NDUFAF1: variants seen among roughly 807,000 people sequenced by gnomAD.
The protein encoded by NDUFAF1 is complex I intermediate-associated protein 30, mitochondrial.
NDUFAF1 carries 18 observed loss-of-function variants against 28.7 expected under a neutral mutation model. The observed-to-expected ratio is 0.63, with a 90% CI of 0.43 to 0.93. The LOEUF (loss-of-function observed/expected upper bound fraction) is 0.93, where lower values mean the gene tolerates loss of function less well. Ranked by LOEUF, NDUFAF1 falls within the 40% of genes least tolerant of loss-of-function variation. NDUFAF1 has a pLI of 0.00. For missense variants in NDUFAF1, 404 were observed against 398.3 expected (o/e 1.01, Z -0.12); for synonymous variants, 113 against 139.7 (o/e 0.81, Z 1.35).
chr15:41,388,413 T>C (rs1004543092), intron 4 of NDUFAF1, 35 bp downstream of exon 4: 7 of 1,484,960 alleles, frequency 4.7e-6, no homozygotes, highest in Non-Finnish European at 6.6e-6. Context: ...TTAAAAATGA[T>C]ACAGTTCTGA....
chr15:41,394,045 T>TTTTTTAG (rs2050349798), intron 3 of NDUFAF1: 1 of 143,492 alleles, frequency 7.0e-6, no homozygotes, highest in Non-Finnish European at 1.4e-5. Flanking sequence ...TTTTTTTTTT[T>TTTTTTAG]GAGACAAAGT....
At chr15:41,388,398 A>AT (rs1329477398) in intron 4 of NDUFAF1, 50 bp downstream of exon 4, 1 of 1,401,944 alleles carries the variant, frequency 7.1e-7, no homozygotes, top group African/African-American at 1.4e-5. Flanking sequence ...CAGAGTTCCG[A>AT]TTCATTAAAA....
intron 2 of NDUFAF1, among the ~76,000 whole-genome samples, chr15:41,395,354 C>A (rs1219237254): frequency 1.4e-5 from 2 of 145,728 alleles, no homozygotes; most frequent in African/African-American, 2.7e-5. Context: ...ATGACTTTTT[C>A]TTTTCTTTTC....
At chr15:41,397,170 C>T in intron 1 of NDUFAF1, 30 bp from the exon 2 acceptor site, 1 of 854,130 alleles carries the variant, frequency 1.2e-6, no homozygotes, top group Non-Finnish European at 1.9e-6. Flanking sequence ...GAAGAATTAT[C>T]AGCATAGCAA....
upstream of NDUFAF1, among the ~76,000 whole-genome samples, chr15:41,402,972 C>T (rs971605978): frequency 1.3e-5 from 2 of 151,904 alleles, no homozygotes; most frequent in African/African-American, 4.8e-5. Flanking sequence ...CCTCGTGATC[C>T]ACCCGCCTCG....
intron 1 of NDUFAF1, among the ~76,000 whole-genome samples, chr15:41,401,277 T>TTG (rs1276305241): frequency 1.4e-5 from 2 of 142,198 alleles, no homozygotes; most frequent in Non-Finnish European, 3.1e-5. Context: ...CTTTTTTTTT[T>TTG]TTTTTTTTTT....
rs200472799 is a variant in NDUFAF1, at chr15:41,396,845, G to C, written c.215C>G (p.Thr72Ser). 2,672 of 1,614,116 alleles carry C rather than the reference G, an allele frequency of 1.7e-3. 31 individuals carry two copies. The South Asian group carries it at 0.018, about 11-fold the overall frequency. The stretch of plus-strand genomic sequence containing the variant: ...AACATCAGGCTTCTCCTCAGAAGAA[G>C]TTATATCCAAAGCAACTTCTTTCTG... ...DHQKEVALDI[T>S]SSEEKPDVSF... The change falls in exon 2 of 5, where the codon ACT becomes AGT. Residue 72 changes from threonine to serine, a missense_variant. Physicochemically the swap from Thr to Ser is moderately conservative, Grantham distance 58. Coordinates refer to ENST00000260361, the MANE Select transcript of NDUFAF1 (RefSeq NM_016013.4).
At chr15:41,387,929 G>A (rs1432659888) in intron 4 of NDUFAF1, among the ~76,000 whole-genome samples, 2 of 152,104 alleles carry the variant, frequency 1.3e-5, no homozygotes, top group Non-Finnish European at 2.9e-5. Flanking sequence ...GCCCAATATG[G>A]TAAAACCTCG....
chr15:41,389,385 T>C (rs1362716506), intron 3 of NDUFAF1, among the ~76,000 whole-genome samples: 1 of 151,790 alleles, frequency 6.6e-6, no homozygotes, highest in Non-Finnish European at 1.5e-5. Flanking sequence ...TAAATAATTA[T>C]ACAGAAGCTC....
chr15:41,401,260 G>A (rs574762286), intron 1 of NDUFAF1, among the ~76,000 whole-genome samples: 81 of 139,190 alleles, frequency 5.8e-4, no homozygotes, highest in African/African-American at 1.9e-3. Context: ...CAGCCACGGC[G>A]CCCAACCTTT....
intron 1 of NDUFAF1, among the ~76,000 whole-genome samples, chr15:41,401,017 G>C (rs2050455499): frequency 6.7e-6 from 1 of 148,540 alleles, no homozygotes; most frequent in East Asian, 2.0e-4. Context: ...CACCAGGCTA[G>C]AGATCTCCGC....
chr15:41,398,849 G>A (rs1025636124), intron 1 of NDUFAF1, among the ~76,000 whole-genome samples: 2 of 151,948 alleles, frequency 1.3e-5, no homozygotes, highest in African/African-American at 4.8e-5. Flanking sequence ...CAGCTACTGG[G>A]GAGGCTGAGG....
chr15:41,391,470 C>T (rs2050315104), intron 3 of NDUFAF1, among the ~76,000 whole-genome samples: 2 of 151,768 alleles, frequency 1.3e-5, no homozygotes, highest in East Asian at 1.9e-4. Context: ...CCTAAAAATA[C>T]AAAAATTAGC....
At chr15:41,396,274 A>C (rs1025152495) in intron 2 of NDUFAF1, among the ~76,000 whole-genome samples, 1 of 152,036 alleles carries the variant, frequency 6.6e-6, no homozygotes, top group Admixed American at 6.6e-5. Context: ...GCGCAGAAAC[A>C]AGTTAACTCC....
At chr15:41,391,100 T>C (rs1212820208) in intron 3 of NDUFAF1, among the ~76,000 whole-genome samples, 1 of 152,064 alleles carries the variant, frequency 6.6e-6, no homozygotes, top group Non-Finnish European at 1.5e-5. Context: ...GATTTTTTTC[T>C]GTACTTCCCA....
At chr15:41,393,697 C>T (rs1386024375) in intron 3 of NDUFAF1, among the ~76,000 whole-genome samples, 2 of 151,786 alleles carry the variant, frequency 1.3e-5, no homozygotes, top group Admixed American at 6.6e-5. Flanking sequence ...TCTCCTGCCT[C>T]AGCCTTCTGA....
intron 1 of NDUFAF1, among the ~76,000 whole-genome samples, chr15:41,399,545 G>C (rs915393714): frequency 3.4e-5 from 5 of 147,632 alleles, no homozygotes; most frequent in African/African-American, 1.3e-4. Context: ...CAACAAAAGT[G>C]AAACTCTGTC....
intron 1 of NDUFAF1, 92 bp downstream of exon 1, chr15:41,402,052 G>A (rs2050470163): frequency 3.2e-6 from 1 of 312,326 alleles, no homozygotes; most frequent in African/African-American, 2.1e-5. Flanking sequence ...CTATTAACTG[G>A]ACAATACCGC....
At position 41,394,992 on chromosome 15, in the gene NDUFAF1, TAC is replaced by T. The variant is rs765677258; in HGVS notation, c.624_625del (p.Tyr209SerfsTer29). On this transcript the variant is annotated frameshift_variant, in exon 3 of 5. Coordinates refer to ENST00000260361, the MANE Select transcript of NDUFAF1 (RefSeq NM_016013.4). LOFTEE classifies it high-confidence loss of function. The stretch of plus-strand genomic sequence containing the variant: ...CCGACCATCCCCACGTACACGGAGA[TAC>T]AGAGTATTGAACTGGGACCAATCGT... 28 of 1,614,158 alleles carry T rather than the reference TAC, an allele frequency of 1.7e-5. No individual in the cohort carries two copies. In the South Asian group the frequency reaches 2.7e-4, roughly 16 times the overall value.
Sources: allele counts gnomAD v4.1 joint callset (sites outside exome capture counted in the v4.1 genomes callset), GRCh38; gene constraint gnomAD v4.1.1; transcripts MANE v1.5; gene names NCBI Gene and HGNC (gene_info 2026-07-23, HGNC 2026-07-21).